ECT2: variants seen among roughly 807,000 people sequenced by gnomAD.
ECT2 encodes protein ECT2.
Under a neutral mutation model 116.9 loss-of-function variants are expected in ECT2, and 61 were observed. The observed-to-expected ratio is 0.52, with a 90% CI of 0.42 to 0.65. The LOEUF (loss-of-function observed/expected upper bound fraction) is 0.65. ECT2 is among the 30% of genes least tolerant of loss of function. The pLI is 0.00. For missense variants in ECT2, 937 were observed against 1,078.7 expected (o/e 0.87, Z 1.84); for synonymous variants, 358 against 346.4 (o/e 1.03, Z -0.37).
At chr3:172,802,824 C>T in intron 19 of ECT2, 37 bp from the exon 20 acceptor site, 1 of 1,583,214 alleles carries the variant, frequency 6.3e-7, no homozygotes, top group Non-Finnish European at 8.6e-7. Flanking sequence ...TACTTGATAC[C>T]AAGTGATCTC....
At chr3:172,778,955 G>A (rs1281282016) in intron 14 of ECT2, among the ~76,000 whole-genome samples, 2 of 152,124 alleles carry the variant, frequency 1.3e-5, no homozygotes, top group Non-Finnish European at 2.9e-5. Flanking sequence ...AAACAGAGCA[G>A]ACTATATTTC....
intron 20 of ECT2, among the ~76,000 whole-genome samples, chr3:172,803,226 T>G (rs1040431462): frequency 1.3e-5 from 2 of 152,212 alleles, no homozygotes; most frequent in Non-Finnish European, 2.9e-5. Flanking sequence ...TTTATTTCCA[T>G]GCAAATAAAT....
intron 1 of ECT2, among the ~76,000 whole-genome samples, chr3:172,752,638 C>T (rs1716124885): frequency 6.6e-6 from 1 of 152,156 alleles, no homozygotes; most frequent in Non-Finnish European, 1.5e-5. Flanking sequence ...GCTGTTACAA[C>T]TATTGGACCG....
chr3:172,798,684 T>C (rs1726181277), intron 18 of ECT2, among the ~76,000 whole-genome samples: 1 of 152,196 alleles, frequency 6.6e-6, no homozygotes, highest in Non-Finnish European at 1.5e-5. Flanking sequence ...TTTGATATAG[T>C]ATGCTTTTGT....
intron 18 of ECT2, among the ~76,000 whole-genome samples, chr3:172,798,673 G>A (rs981789666): frequency 1.3e-5 from 2 of 152,018 alleles, no homozygotes; most frequent in African/African-American, 4.8e-5. Flanking sequence ...ATTTACAACA[G>A]TTTGATATAG....
At chr3:172,807,140 A>T (rs1439200164) in intron 21 of ECT2, among the ~76,000 whole-genome samples, 1 of 152,110 alleles carries the variant, frequency 6.6e-6, no homozygotes, top group Non-Finnish European at 1.5e-5. Flanking sequence ...TTTGCATGTA[A>T]CCTATACACA....
intron 1 of ECT2, 139 bp from the exon 2 acceptor site, chr3:172,754,367 GAGA>G (rs1716538740): frequency 3.6e-6 from 2 of 553,934 alleles, no homozygotes; most frequent in Admixed American, 3.7e-5. Context: ...CTGAGGCTCA[GAGA>G]AGGTCAGTGA....
chr3:172,761,647 A>G lies in ECT2; in HGVS notation c.722A>G (p.Glu241Gly). Residue 241 changes from glutamate (E) to glycine (G), a missense_variant, in exon 8 of 25, where the codon GAA becomes GGA. Coordinates refer to ENST00000392692, the MANE Select transcript of ECT2 (RefSeq NM_001258315.2). ...CTAGGTACTCCAATTATGAAGCCAG[A>G]ATGGATTTATAAAGCTTGGGAAAGG... ...VSLGTPIMKP[E>G]WIYKAWERRN... is the part of the protein sequence containing the mutation. 2 of 1,611,526 alleles carry G rather than the reference A, an allele frequency of 1.2e-6. No homozygotes were observed.
At position 172,760,208 on chromosome 3, in the gene ECT2, T is replaced by G. The variant is rs748778871; in HGVS notation, c.629T>G (p.Phe210Cys). ...HHMGGVIRKD[F>C]NSKVTHLVAN... is the part of the protein sequence containing the mutation. ...ATGGGTGGAGTTATTCGAAAAGACTTTAATTCAAAAGTTACACATTTGGTG... is the reference window on the plus strand; with the variant it reads ...ATGGGTGGAGTTATTCGAAAAGACTGTAATTCAAAAGTTACACATTTGGTG... The change falls in exon 7 of 25, where the codon TTT becomes TGT. Residue 210 changes from phenylalanine (F) to cysteine (C), a missense_variant. Coordinates refer to ENST00000392692, the MANE Select transcript of ECT2 (RefSeq NM_001258315.2). 3 of 1,612,436 alleles carry G rather than the reference T, an allele frequency of 1.9e-6. No homozygotes were observed. The highest frequency in any genetic ancestry group is 3.3e-5 in the Admixed American group (2 of 59,842).
intron 18 of ECT2, among the ~76,000 whole-genome samples, chr3:172,795,326 A>C (rs1409040113): frequency 3.8e-5 from 4 of 104,030 alleles, no homozygotes; most frequent in African/African-American, 1.2e-4. Context: ...ACGCTATCAA[A>C]AAAAAAAAAA....
chr3:172,818,619 T>C (rs1730180573), intron 24 of ECT2: 1 of 1,289,102 alleles, frequency 7.8e-7, no homozygotes. Context: ...GCCTAAACTC[T>C]ACTGGTGGGC....
At chr3:172,811,111 T>A (rs1206250851) in intron 22 of ECT2, among the ~76,000 whole-genome samples, 1 of 152,090 alleles carries the variant, frequency 6.6e-6, no homozygotes, top group Non-Finnish European at 1.5e-5. Flanking sequence ...CAATTTTACT[T>A]TTATTTTATT....
At chr3:172,763,564 C>T (rs1000342012) in intron 11 of ECT2, among the ~76,000 whole-genome samples, 3 of 152,094 alleles carry the variant, frequency 2.0e-5, no homozygotes, top group African/African-American at 7.2e-5. Context: ...GGATATTATC[C>T]TATAACTATT....
At chr3:172,810,212 A>C (rs1362916390) in intron 22 of ECT2, among the ~76,000 whole-genome samples, 1 of 152,182 alleles carries the variant, frequency 6.6e-6, no homozygotes, top group Non-Finnish European at 1.5e-5. Context: ...TGGTTAGTTT[A>C]AAAGTAACTT....
At chr3:172,823,461 C>G (rs1357659934), downstream of ECT2, among the ~76,000 whole-genome samples, 1 of 152,128 alleles carries the variant, frequency 6.6e-6, no homozygotes, top group Admixed American at 6.6e-5. Flanking sequence ...GACAGTGTTT[C>G]TGCTGGTGGG....
At chr3:172,821,982 T>C (rs949741123), downstream of ECT2, among the ~76,000 whole-genome samples, 3 of 151,898 alleles carry the variant, frequency 2.0e-5, no homozygotes, top group Non-Finnish European at 4.4e-5. Flanking sequence ...ACAGTTTGCA[T>C]GTATCATGTG....
At chr3:172,790,971 A>G (rs984521595) in intron 18 of ECT2, among the ~76,000 whole-genome samples, 3 of 152,222 alleles carry the variant, frequency 2.0e-5, no homozygotes, top group Non-Finnish European at 4.4e-5. Flanking sequence ...CCTGACCAAC[A>G]TGGCAAAACC....
rs762183763 is a variant in ECT2 at position 172,759,065 on chromosome 3, A to T, written c.572A>T (p.Glu191Val). ...LCFTGFRKKE[E>V]LVRLVTLVHH... ...TTTACTGGATTTAGGAAAAAAGAAG[A>T]ACTAGTAAGTATTACGAAACAAATT... is the stretch of plus-strand genomic sequence containing the variant. The change falls in exon 6 of 25, where the codon GAA becomes GTA. Residue 191 changes from glutamate (E) to valine (V), a missense_variant. Glu to Val is a moderately radical substitution (Grantham distance 121, BLOSUM62 -2). Transcript: ENST00000392692. The T allele has an allele frequency of 6.3e-7, 1 of 1,586,946 alleles. No individual in the cohort carries two copies. The highest frequency in any genetic ancestry group is 2.2e-5 in the East Asian group (1 of 44,554).
rs78986411 is a variant in ECT2 at position 172,775,238 on chromosome 3, A to G, written c.1548+1216A>G. 8.7e-3 allele frequency among the ~76,000 whole-genome samples: 1,328 copies of G among 152,366 alleles called. 20 individuals are homozygous for G. The highest frequency in any genetic ancestry group is 0.029 in the African/African-American group (1,220 of 41,592). On this transcript the variant is annotated intron_variant, in intron 14 of 24. Transcript: ENST00000392692. ...ATCAGTTTTCTTTTCAAAATAACTC[A>G]CATTAATATTTATGTCACATTCCAG...
Sources: allele counts gnomAD v4.1 joint callset (sites outside exome capture counted in the v4.1 genomes callset), GRCh38; gene constraint gnomAD v4.1.1; transcripts MANE v1.5; gene names NCBI Gene and HGNC (gene_info 2026-07-23, HGNC 2026-07-21).